The following GALNT9 variants were observed in gnomAD, a reference collection of about 807,000 sequenced individuals.
GALNT9 encodes the protein polypeptide N-acetylgalactosaminyltransferase 9, also known as GalNAc transferase 9.
A neutral mutation model predicts 63.1 loss-of-function variants in GALNT9; 47 were observed. That is an observed-to-expected ratio of 0.75 (90% CI 0.59 to 0.95). The LOEUF is 0.95. GALNT9 is among the 40% of genes least tolerant of loss of function. The pLI is 0.00. For synonymous variants in GALNT9, 396 were observed against 365.7 expected, an observed-to-expected ratio of 1.08 and a Z score of -0.94; for missense variants, 829 against 874.8, an observed-to-expected ratio of 0.95 and a Z score of 0.66.
At chr12:132,268,119 C>A (rs1232349875) in intron 2 of GALNT9, among the ~76,000 whole-genome samples, 2 of 141,428 alleles carry the variant, frequency 1.4e-5, no homozygotes, top group Admixed American at 6.8e-5. Flanking sequence ...ACACACAAAC[C>A]CACACACACA....
At chr12:132,250,845 G>A (rs1255187587) in intron 5 of GALNT9, among the ~76,000 whole-genome samples, 6 of 152,196 alleles carry the variant, frequency 3.9e-5, no homozygotes, top group Non-Finnish European at 7.3e-5. Flanking sequence ...GCGAGGAGGC[G>A]GTGGGCACCG....
At chr12:132,262,132 G>A (rs1468209714) in intron 3 of GALNT9, among the ~76,000 whole-genome samples, 1 of 152,210 alleles carries the variant, frequency 6.6e-6, no homozygotes, top group East Asian at 1.9e-4. Context: ...ATCCGGTTGA[G>A]TATCTTGAGA....
Position 132,304,663 on chromosome 12 carries a change from G to A in GALNT9, c.239-18233C>T, listed in dbSNP as rs565629916. ...CCCTCGCCCGGACACACCCTCACCCGGGCACAGCCTCGCCCGGGCACACCC... is the reference window on the plus strand; with the variant it reads ...CCCTCGCCCGGACACACCCTCACCCAGGCACAGCCTCGCCCGGGCACACCC... On this transcript the variant is annotated intron_variant, in intron 1 of 10. Transcript: ENST00000328957. Among the ~76,000 whole-genome samples, 184 of 38,714 alleles carry A rather than the reference G, an allele frequency of 4.8e-3. 44 individuals carry two copies. Among genetic ancestry groups the A allele is most frequent in the Non-Finnish European group, 6.9e-3 (146 of 21,120 alleles). 25.4% of individuals were successfully genotyped at this position (38,714 alleles called of 152,430 possible). A position where few individuals can be genotyped will look rare whatever the true frequency, so the allele number is the denominator to read the frequency against.
At chr12:132,268,052 CAT>C (rs781866300) in intron 2 of GALNT9, among the ~76,000 whole-genome samples, 5 of 150,710 alleles carry the variant, frequency 3.3e-5, no homozygotes, top group South Asian at 2.1e-4. Flanking sequence ...CACAAACCCA[CAT>C]GTGGTCACAC....
At position 132,279,913 on chromosome 12, in the gene GALNT9, C is replaced by T. The variant is rs199981331; in HGVS notation, c.419+6337G>A. The T allele has an allele frequency of 2.6e-5, 4 of 152,262 alleles. No homozygotes were observed. In the East Asian group the frequency reaches 7.7e-4, roughly 29 times the overall value. The allele number at this position is 152,262 out of a possible 1,614,324, so 9.4% of individuals were successfully genotyped here. On this transcript the variant is annotated intron_variant, in intron 2 of 10. Transcript: ENST00000328957. This position sits in a 1 kb window ranked among gnomAD's most constrained non-coding sequence, Gnocchi z 4.1. The stretch of plus-strand genomic sequence containing the variant: ...TCACTGTGGTCCCTGCCTGGATGCC[C>T]AGTGTCCTCCAGGTCTCCTGGATTC...
chr12:132,244,022 G>A (rs1878591308), intron 6 of GALNT9, among the ~76,000 whole-genome samples: 1 of 151,712 alleles, frequency 6.6e-6, no homozygotes, highest in African/African-American at 2.4e-5. Context: ...CATAGGGACA[G>A]ACGGGGGCAG....
rs782225528 is a variant in GALNT9, at chr12:132,247,811, G to A, written c.1077+99C>T. The A allele has an allele frequency of 1.7e-5, 26 of 1,514,520 alleles. No homozygotes were observed. The African/African-American group carries it at 2.4e-4, about 14-fold the overall frequency. The allele number at this position is 1,514,520 out of a possible 1,614,324, so 93.8% of individuals were successfully genotyped here. On this transcript the variant is annotated intron_variant, in intron 6 of 10. Transcript: ENST00000328957. ...CTGCAGCCACACTCGCCCTCACCCC[G>A]TCCCCGGACACCGCGGCCTCACTCG...
At chr12:132,317,788 A>C (rs149342762) in intron 1 of GALNT9, among the ~76,000 whole-genome samples, 1,956 of 152,254 alleles carry the variant, frequency 0.013, 21 homozygotes, top group Admixed American at 0.019. Context: ...GGGCAGGGAA[A>C]GAAGGAGGAG....
chr12:132,297,432 A>G (rs1003874303), intron 1 of GALNT9, among the ~76,000 whole-genome samples: 2 of 151,732 alleles, frequency 1.3e-5, no homozygotes, highest in South Asian at 4.2e-4. Flanking sequence ...TCCTGAGACA[A>G]TAAAGCCGCT....
rs1203805713 is a variant in GALNT9 at position 132,252,659 on chromosome 12, A to T, written c.960-4632T>A. On this transcript the variant is annotated intron_variant, in intron 5 of 10. Coordinates refer to ENST00000328957, the MANE Select transcript of GALNT9 (RefSeq NM_001122636.2). This position sits in a 1 kb window ranked among gnomAD's most constrained non-coding sequence, Gnocchi z 5.2. ...TTTGGGAGGCCGAGGCAGGCGGATC[A>T]CCTGAGGTCGGGAGTTCGAGACCAG... Among the ~76,000 whole-genome samples the T allele has an allele frequency of 6.6e-6, 1 of 152,078 alleles. No homozygotes were observed. Among genetic ancestry groups the T allele is most frequent in the Non-Finnish European group, 1.5e-5 (1 of 68,008 alleles).
intron 6 of GALNT9, among the ~76,000 whole-genome samples, chr12:132,229,732 A>G (rs1032277669): frequency 2.0e-5 from 3 of 152,184 alleles, no homozygotes; most frequent in Non-Finnish European, 1.5e-5. Context: ...GAAAGAAATC[A>G]TGGTCACCGG....
At chr12:132,283,300 C>T (rs575754607) in intron 2 of GALNT9, 1 of 152,422 alleles carries the variant, frequency 6.6e-6, no homozygotes, top group Admixed American at 6.5e-5. Flanking sequence ...GAGAGCAGGG[C>T]CCGGGTCGCG....
At chr12:132,215,760 C>CG (rs775719918) in intron 6 of GALNT9, among the ~76,000 whole-genome samples, 5 of 152,282 alleles carry the variant, frequency 3.3e-5, no homozygotes, top group African/African-American at 4.8e-5. Context: ...TGGGCATGGG[C>CG]GGGGGGCAGC....
intron 6 of GALNT9, among the ~76,000 whole-genome samples, chr12:132,230,549 G>T (rs941377994): frequency 6.6e-6 from 1 of 150,426 alleles, no homozygotes. Context: ...CCCTCGTGGC[G>T]GGGGAGTCCT....
chr12:132,277,790 C>T (rs1407245562), intron 2 of GALNT9: 2 of 152,262 alleles, frequency 1.3e-5, no homozygotes, highest in African/African-American at 2.4e-5. Flanking sequence ...CCCAAGCTCC[C>T]TCGCCCATTT....
At chr12:132,217,335 A>C (rs1877247082) in intron 6 of GALNT9, among the ~76,000 whole-genome samples, 2 of 143,950 alleles carry the variant, frequency 1.4e-5, no homozygotes, top group African/African-American at 2.6e-5. Flanking sequence ...CCATCCACCC[A>C]CTCATCCATC....
chr12:132,197,185 A>G lies in GALNT9; in HGVS notation c.1734T>C (p.Phe578=), dbSNP rs34329783. 9.0e-3 allele frequency: 14,508 copies of G among 1,614,080 alleles called. 664 individuals carry two copies. In the African/African-American group the frequency reaches 0.13, roughly 14 times the overall value. The change falls in exon 11 of 11, where the codon TTT becomes TTC. Residue 578 remains phenylalanine (F), a synonymous_variant. Coordinates refer to ENST00000328957, the MANE Select transcript of GALNT9 (RefSeq NM_001122636.2). ...LEVEMSKDAN[F]GLRLVVQRCS... is the part of the protein sequence containing the mutation. The stretch of plus-strand genomic sequence containing the variant: ...ACCTCTGTACCACCAGCCGGAGCCC[A>G]AAGTTGGCATCTTTGGACATCTCCA...
intron 6 of GALNT9, among the ~76,000 whole-genome samples, chr12:132,207,326 A>G (rs532185893): frequency 2.0e-5 from 3 of 152,166 alleles, no homozygotes; most frequent in Non-Finnish European, 4.4e-5. Flanking sequence ...CCGGGCACAC[A>G]GTAGGTGCTT....
chr12:132,261,928 T>G (rs28725313), intron 3 of GALNT9, among the ~76,000 whole-genome samples: 9,456 of 152,116 alleles, frequency 0.062, 981 homozygotes, highest in African/African-American at 0.21. Context: ...TGAGGAACCA[T>G]GGGGCTTGGG....
Sources: gnomAD v4.1 joint callset for allele counts (sites outside exome capture counted in the v4.1 genomes callset) on GRCh38, gnomAD v4.1.1 for gene constraint, Gnocchi (gnomAD v3.1) non-coding constraint, MANE v1.5 for transcripts, NCBI Gene and HGNC (gene_info 2026-07-23, HGNC 2026-07-21) for gene names.